Variants in RPTOR observed in about 807,000 individuals in gnomAD.
RPTOR encodes regulatory-associated protein of mTOR.
A neutral mutation model predicts 169.9 loss-of-function variants in RPTOR; 21 were observed. The observed-to-expected ratio is 0.12, with a 90% CI of 0.09 to 0.18. The LOEUF is 0.18. RPTOR is among the 10% of genes least tolerant of loss of function. The pLI is 1.00. For synonymous variants in RPTOR, 732 were observed against 753.2 expected, an observed-to-expected ratio of 0.97 and a Z score of 0.46; for missense variants, 1,133 against 1,855.9, an observed-to-expected ratio of 0.61 and a Z score of 7.16.
intron 2 of RPTOR, among the ~76,000 whole-genome samples, chr17:80,634,703 ACTGTGTG>A (rs2065487394): frequency 1.6e-5 from 1 of 64,352 alleles, no homozygotes; most frequent in African/African-American, 7.3e-5. Flanking sequence ...GCGTGTGCGT[ACTGTGTG>A]TGTGCGTACT....
At position 80,841,497 on chromosome 17, in the gene RPTOR, A is replaced by G. The variant is rs1418034872; in HGVS notation, c.1212+3500A>G. On this transcript the variant is annotated intron_variant, in intron 10 of 33. Coordinates refer to ENST00000306801, the MANE Select transcript of RPTOR (RefSeq NM_020761.3). Reference sequence around the variant, plus strand: ...TCACACCACACGGCAGCTCACTCTCACCACACGGCAGCTCACACCACACGG... The same window carrying G: ...TCACACCACACGGCAGCTCACTCTCGCCACACGGCAGCTCACACCACACGG... 2.7e-4 allele frequency among the ~76,000 whole-genome samples: 23 copies of G among 85,536 alleles called. 1 individual carries two copies. Among genetic ancestry groups the G allele is most frequent in the African/African-American group, 1.0e-3 (21 of 20,058 alleles). 56.1% of individuals were successfully genotyped at this position (85,536 alleles called of 152,430 possible).
At chr17:80,626,806 TA>T (rs2065398892) in intron 2 of RPTOR, among the ~76,000 whole-genome samples, 1 of 149,032 alleles carries the variant, frequency 6.7e-6, no homozygotes, top group African/African-American at 2.5e-5. Context: ...TTATTATTAT[TA>T]TTATTTTTCA....
chr17:80,790,453 G>T (rs947256403), intron 6 of RPTOR, among the ~76,000 whole-genome samples: 2 of 152,168 alleles, frequency 1.3e-5, no homozygotes, highest in Non-Finnish European at 2.9e-5. Flanking sequence ...CACACCTCTG[G>T]CTCGTTGTCT....
intron 22 of RPTOR, 106 bp from the exon 23 acceptor site, chr17:80,923,384 G>A: frequency 4.7e-6 from 6 of 1,274,914 alleles, no homozygotes; most frequent in South Asian, 1.3e-5. Flanking sequence ...CCCGGGCCCT[G>A]GTGGCACCTG....
At chr17:80,901,242 G>A (rs1347095106) in intron 20 of RPTOR, among the ~76,000 whole-genome samples, 1 of 152,178 alleles carries the variant, frequency 6.6e-6, no homozygotes, top group Non-Finnish European at 1.5e-5. Context: ...CAGACGGGAA[G>A]CACACAGCAG....
rs2065861059 is a variant in RPTOR at position 80,676,293 on chromosome 17, TAA to T, written c.349-31545_349-31544del. 5.3e-5 allele frequency among the ~76,000 whole-genome samples: 8 copies of T among 152,232 alleles called. No homozygotes were observed. In the South Asian group the frequency reaches 1.7e-3, roughly 32 times the overall value. On this transcript the variant is annotated intron_variant, in intron 3 of 33. Coordinates refer to ENST00000306801, the MANE Select transcript of RPTOR (RefSeq NM_020761.3). ...ATGGCGAATGGGATTTGATTAAATG[TAA>T]AAGTTTCTGAGGGAAGTGAATCACT... is the stretch of plus-strand genomic sequence containing the variant.
rs558291332 is a variant in RPTOR at position 80,875,065 on chromosome 17, C to T, written c.1510-5350C>T. Reference sequence around the variant, plus strand: ...TCATCCTGCCTCCTTATGCCTTCCCCGTCAGGCACGGTGGTCTGTTAGCCT... The same window carrying T: ...TCATCCTGCCTCCTTATGCCTTCCCTGTCAGGCACGGTGGTCTGTTAGCCT... On this transcript the variant is annotated intron_variant, in intron 13 of 33. Coordinates refer to ENST00000306801, the MANE Select transcript of RPTOR (RefSeq NM_020761.3). Among the ~76,000 whole-genome samples, 17 of 152,352 alleles carry T rather than the reference C, an allele frequency of 1.1e-4. No homozygotes were observed. In the South Asian group the frequency reaches 2.5e-3, roughly 22 times the overall value.
chr17:80,845,113 CG>C lies in RPTOR; in HGVS notation c.1213-1358del, dbSNP rs923591994. On this transcript the variant is annotated intron_variant, in intron 10 of 33. Coordinates refer to ENST00000306801, the MANE Select transcript of RPTOR (RefSeq NM_020761.3). This position sits in a 1 kb window ranked among gnomAD's most constrained non-coding sequence, Gnocchi z 5.4. ...GCCGCTCAGTTCCGAGACCTTCCAA[CG>C]GCAGCCTCCCCTGCAGCCTTCACGC... 6.6e-6 allele frequency among the ~76,000 whole-genome samples: 1 copy of C among 152,062 alleles called. No individual in the cohort carries two copies. Among genetic ancestry groups the C allele is most frequent in the African/African-American group, 2.4e-5 (1 of 41,392 alleles).
chr17:80,817,595 G>A (rs567149432), intron 7 of RPTOR, among the ~76,000 whole-genome samples: 1 of 152,238 alleles, frequency 6.6e-6, no homozygotes, highest in Non-Finnish European at 1.5e-5. Context: ...TGGGGAGCAG[G>A]CAGAGTGATG....
intron 9 of RPTOR, among the ~76,000 whole-genome samples, chr17:80,830,918 T>C (rs2067496816): frequency 6.6e-6 from 1 of 152,064 alleles, no homozygotes; most frequent in African/African-American, 2.4e-5. Flanking sequence ...AATTGTTTTG[T>C]ATTTTTTGTA....
chr17:80,570,794 A>G (rs1202931420), intron 1 of RPTOR, among the ~76,000 whole-genome samples: 1 of 152,176 alleles, frequency 6.6e-6, no homozygotes, highest in Non-Finnish European at 1.5e-5. Flanking sequence ...ATAAGTTGTT[A>G]TGTATTAATG....
At chr17:80,568,665 C>T (rs570041544) in intron 1 of RPTOR, among the ~76,000 whole-genome samples, 1 of 152,162 alleles carries the variant, frequency 6.6e-6, no homozygotes, top group African/African-American at 2.4e-5. Context: ...CCTATCTCTC[C>T]CCTTGTTCCT....
intron 24 of RPTOR, among the ~76,000 whole-genome samples, chr17:80,928,246 A>G (rs1414823995): frequency 6.6e-6 from 1 of 150,602 alleles, no homozygotes; most frequent in Admixed American, 6.6e-5. Context: ...TCTCTTGTTT[A>G]AAAAAAAAAT....
chr17:80,866,693 T>G (rs2067995833), intron 13 of RPTOR, among the ~76,000 whole-genome samples: 1 of 152,178 alleles, frequency 6.6e-6, no homozygotes, highest in African/African-American at 2.4e-5. Flanking sequence ...CTTTGATTCC[T>G]TGAATGACAC....
At chr17:80,661,401 C>T (rs1213094169) in intron 3 of RPTOR, among the ~76,000 whole-genome samples, 1 of 152,188 alleles carries the variant, frequency 6.6e-6, no homozygotes, top group African/African-American at 2.4e-5. Flanking sequence ...CTCTAGGTCT[C>T]AGCAGAGGAG....
At chr17:80,832,208 GGGGCTTTACAAAT>G (rs1421772488) in intron 9 of RPTOR, among the ~76,000 whole-genome samples, 1 of 152,216 alleles carries the variant, frequency 6.6e-6, no homozygotes, top group Non-Finnish European at 1.5e-5. Context: ...CCGTGATCCA[GGGGCTTTACAAAT>G]GGGCATGTGT....
At chr17:80,637,739 AG>A (rs1377039241) in intron 2 of RPTOR, among the ~76,000 whole-genome samples, 1 of 152,190 alleles carries the variant, frequency 6.6e-6, no homozygotes, top group African/African-American at 2.4e-5. Context: ...GAGAATGCAA[AG>A]GTTTGTCAGA....
At chr17:80,790,940 G>A (rs1258502573) in intron 6 of RPTOR, among the ~76,000 whole-genome samples, 3 of 152,148 alleles carry the variant, frequency 2.0e-5, no homozygotes, top group Non-Finnish European at 2.9e-5. Context: ...GGCTCCACAC[G>A]CGCTCCTAAG....
chr17:80,797,032 A>C (rs1181341515), intron 7 of RPTOR, among the ~76,000 whole-genome samples: 2 of 152,220 alleles, frequency 1.3e-5, no homozygotes, highest in Non-Finnish European at 2.9e-5. Context: ...TTCTCCGCTT[A>C]AAAACGCTAT....
Sources: gnomAD v4.1 joint callset for allele counts (sites outside exome capture counted in the v4.1 genomes callset) on GRCh38, gnomAD v4.1.1 for gene constraint, Gnocchi (gnomAD v3.1) non-coding constraint, MANE v1.5 for transcripts, NCBI Gene and HGNC (gene_info 2026-07-23, HGNC 2026-07-21) for gene names.